ABTB3: variants seen among roughly 807,000 people sequenced by gnomAD.
ABTB3 encodes the protein ankyrin repeat- and BTB/POZ domain-containing protein 3.
At chr12:107,427,285 T>A in the ABTB3 span, among the ~76,000 whole-genome samples, 3 of 146,646 alleles carry the variant, frequency 2.0e-5, no homozygotes, top group Non-Finnish European at 3.0e-5. Context: ...GTGTCCCTAT[T>A]TTTTTTTTTT....
chr12:107,530,240 G>A, the ABTB3 span, among the ~76,000 whole-genome samples: 2 of 152,340 alleles, frequency 1.3e-5, no homozygotes, highest in East Asian at 3.9e-4. Flanking sequence ...AAATGAATGA[G>A]TGGAGTAGGG....
the ABTB3 span, among the ~76,000 whole-genome samples, chr12:107,634,030 C>T: frequency 6.6e-6 from 1 of 152,190 alleles, no homozygotes; most frequent in Non-Finnish European, 1.5e-5. Flanking sequence ...GGTTATAAAG[C>T]CTCTCGTCAT....
chr12:107,501,262 T>C, the ABTB3 span, among the ~76,000 whole-genome samples: 1 of 152,066 alleles, frequency 6.6e-6, no homozygotes, highest in African/African-American at 2.4e-5. Flanking sequence ...CCTGGATGGA[T>C]GTGGACATTC....
At chr12:107,505,337 T>A in the ABTB3 span, among the ~76,000 whole-genome samples, 2 of 151,960 alleles carry the variant, frequency 1.3e-5, no homozygotes, top group Admixed American at 6.6e-5. Context: ...TTTAAAGCAT[T>A]TATGAAACTA....
the ABTB3 span, among the ~76,000 whole-genome samples, chr12:107,500,191 T>A: frequency 1.3e-5 from 2 of 152,152 alleles, no homozygotes; most frequent in East Asian, 3.9e-4. Flanking sequence ...TTGTTGTGGA[T>A]CCTGCTGCGC....
the ABTB3 span, among the ~76,000 whole-genome samples, chr12:107,596,382 G>A: frequency 6.6e-6 from 1 of 152,352 alleles, no homozygotes; most frequent in African/African-American, 2.4e-5. Flanking sequence ...GGAGGTCAAG[G>A]TGGGTGGATC....
the ABTB3 span, among the ~76,000 whole-genome samples, chr12:107,397,909 G>A: frequency 6.6e-6 from 1 of 152,126 alleles, no homozygotes; most frequent in Non-Finnish European, 1.5e-5. Flanking sequence ...TCTGTGCTGC[G>A]TTGACATATG....
chr12:107,320,087 C>A, the ABTB3 span: 12 of 1,440,996 alleles, frequency 8.3e-6, no homozygotes, highest in Middle Eastern at 1.9e-4. Context: ...TAAGTGTCTG[C>A]GCGGGTGCCA....
At chr12:107,511,576 G>A in the ABTB3 span, among the ~76,000 whole-genome samples, 3 of 152,042 alleles carry the variant, frequency 2.0e-5, no homozygotes, top group Admixed American at 6.6e-5. Flanking sequence ...CTTGGTGGCG[G>A]CAGGGTTCTA....
the ABTB3 span, among the ~76,000 whole-genome samples, chr12:107,347,042 AG>A: frequency 6.6e-6 from 1 of 152,230 alleles, no homozygotes; most frequent in African/African-American, 2.4e-5. Context: ...TCCCTGTAAA[AG>A]TCTTCCATTT....
the ABTB3 span, among the ~76,000 whole-genome samples, chr12:107,384,332 T>C: frequency 6.6e-6 from 1 of 152,188 alleles, no homozygotes; most frequent in African/African-American, 2.4e-5. Context: ...ACAATGTCGT[T>C]AACCAGTATG....
chr12:107,536,540 G>A, the ABTB3 span, among the ~76,000 whole-genome samples: 112,007 of 151,028 alleles, frequency 0.74, 41,785 homozygotes, highest in East Asian at 0.92. Context: ...ACCTCAAAGA[G>A]AAAAAAAAAT....
At chr12:107,413,125 T>C in the ABTB3 span, among the ~76,000 whole-genome samples, 1 of 151,440 alleles carries the variant, frequency 6.6e-6, no homozygotes, top group Non-Finnish European at 1.5e-5. Flanking sequence ...ATACAAAAAA[T>C]TAGCCGGGCG....
the ABTB3 span, among the ~76,000 whole-genome samples, chr12:107,514,594 G>T: frequency 2.6e-5 from 4 of 152,088 alleles, no homozygotes; most frequent in African/African-American, 9.7e-5. Flanking sequence ...ACTCAGGCCT[G>T]CATCTGACAC....
At chr12:107,651,579 T>G in the ABTB3 span, 2 of 769,120 alleles carry the variant, frequency 2.6e-6, no homozygotes, top group Non-Finnish European at 2.2e-6. Flanking sequence ...CTGTGGAAGG[T>G]GAAGATGAGG....
At chr12:107,552,412 C>T in the ABTB3 span, among the ~76,000 whole-genome samples, 1 of 152,234 alleles carries the variant, frequency 6.6e-6, no homozygotes, top group African/African-American at 2.4e-5. Context: ...CTCCTAGTCT[C>T]CGTATCCAGC....
At chr12:107,578,380 CTTCTTTTTTTTTTT>C in the ABTB3 span, among the ~76,000 whole-genome samples, 7 of 46,596 alleles carry the variant, frequency 1.5e-4, no homozygotes, top group African/African-American at 5.6e-4. Flanking sequence ...TTTCTTTCTT[CTTCTTTTTTTTTTT>C]TTTTTTTTTT....
the ABTB3 span, among the ~76,000 whole-genome samples, chr12:107,436,276 G>A: frequency 1.8e-4 from 27 of 152,308 alleles, no homozygotes; most frequent in Non-Finnish European, 3.4e-4. Flanking sequence ...GGAATGACCC[G>A]CCATCCCGGT....
At chr12:107,432,788 T>C in the ABTB3 span, among the ~76,000 whole-genome samples, 390 of 152,302 alleles carry the variant, frequency 2.6e-3, 2 homozygotes, top group South Asian at 2.3e-3. Context: ...AGAATCTGTA[T>C]AGGAGAGGCT....
Sources: allele counts gnomAD v4.1 joint callset (sites outside exome capture counted in the v4.1 genomes callset), GRCh38; gene constraint gnomAD v4.1.1; transcripts MANE v1.5; gene names NCBI Gene and HGNC (gene_info 2026-07-23, HGNC 2026-07-21).